HTT: variants seen among roughly 807,000 people sequenced by gnomAD.
The protein encoded by HTT is huntington disease protein.
A neutral mutation model predicts 362.3 loss-of-function variants in HTT; 104 were observed. The observed-to-expected ratio is 0.29, with a 90% CI of 0.24 to 0.34. HTT has a LOEUF of 0.34. HTT is among the 10% of genes least tolerant of loss of function. HTT has a pLI of 1.00. For synonymous variants in HTT, 1,577 were observed against 1,548.7 expected, an observed-to-expected ratio of 1.02 and a Z score of -0.43; for missense variants, 3,301 against 3,928.6, an observed-to-expected ratio of 0.84 and a Z score of 4.27.
chr4:3,191,651 A>T (rs1719020159), intron 40 of HTT, among the ~76,000 whole-genome samples: 2 of 152,220 alleles, frequency 1.3e-5, no homozygotes, highest in South Asian at 4.1e-4. Context: ...GGGAACTAAA[A>T]TCTTCACCTA....
At chr4:3,096,250 A>G (rs778444100) in intron 2 of HTT, among the ~76,000 whole-genome samples, 95 of 152,244 alleles carry the variant, frequency 6.2e-4, no homozygotes, top group Non-Finnish European at 2.5e-4. Context: ...ACAGAACTAC[A>G]AGTAGAAACA....
chr4:3,143,308 G>A (rs1273901301), intron 23 of HTT, among the ~76,000 whole-genome samples: 1 of 151,524 alleles, frequency 6.6e-6, no homozygotes, highest in Non-Finnish European at 1.5e-5. Context: ...GTGGTGGCGG[G>A]CGCCTGTAAT....
Position 3,075,043 on chromosome 4 carries a change from C to G in HTT, c.218C>G (p.Pro73Arg). ...CCGCAGCCGCCCCCGCCGCCGCCCC[C>G]GCCGCCACCCGGCCCGGCTGTGGCT... ...PQPQPPPPPPPPPPGPAVAEE... is the reference protein window; with the variant it reads ...PQPQPPPPPPRPPPGPAVAEE... The change falls in exon 1 of 67, where the codon CCG becomes CGG. Residue 73 changes from proline to arginine, a missense_variant. By Grantham distance (103) the Pro-to-Arg change is moderately radical (BLOSUM62 -2). Transcript: ENST00000355072. The G allele has an allele frequency of 8.0e-7, 1 of 1,249,172 alleles. No individual in the cohort carries two copies. The highest frequency in any genetic ancestry group is 1.0e-6 in the Non-Finnish European group (1 of 1,003,570). The allele number at this position is 1,249,172 out of a possible 1,614,324, so 77.4% of individuals were successfully genotyped here. A position where few individuals can be genotyped will look rare whatever the true frequency, so the allele number is the denominator to read the frequency against.
chr4:3,236,913 T>C (rs941639662), intron 64 of HTT, among the ~76,000 whole-genome samples: 2 of 152,146 alleles, frequency 1.3e-5, no homozygotes, highest in African/African-American at 4.8e-5. Context: ...ATCTGGAGCC[T>C]TGTTGCACTG....
chr4:3,179,604 CGT>C (rs910882012), intron 35 of HTT, among the ~76,000 whole-genome samples: 11 of 143,884 alleles, frequency 7.6e-5, no homozygotes, highest in Admixed American at 6.2e-4. Flanking sequence ...TGTGTGTGTA[CGT>C]GTGTGTGTGT....
intron 26 of HTT, among the ~76,000 whole-genome samples, chr4:3,153,151 CTT>C (rs1194633099): frequency 6.6e-6 from 1 of 152,100 alleles, no homozygotes; most frequent in African/African-American, 2.4e-5. Context: ...AGATCCAGGA[CTT>C]TCGCCTTGCC....
Position 3,174,772 on chromosome 4 carries a change from G to C in HTT, c.4218G>C (p.Thr1406=), listed in dbSNP as rs764420910. 1 of 1,613,970 alleles carries C rather than the reference G, an allele frequency of 6.2e-7. No homozygotes were observed. Among genetic ancestry groups the C allele is most frequent in the East Asian group, 2.2e-5 (1 of 44,896 alleles). The change falls in exon 32 of 67, where the codon ACG becomes ACC. Residue 1406 remains threonine, a synonymous_variant. Coordinates refer to ENST00000355072, the MANE Select transcript of HTT (RefSeq NM_001388492.1). ...CTACCCAGTTGAAGACAAACCTCAC[G>C]AGTGTCACAAAGAACCGTGCAGATA... The part of the protein sequence containing the change: ...KVSTQLKTNL[T]SVTKNRADKN...
intron 33 of HTT, 36 bp from the exon 34 acceptor site, chr4:3,177,296 T>C: frequency 1.4e-6 from 2 of 1,408,768 alleles, no homozygotes; most frequent in Non-Finnish European, 2.0e-6. Context: ...ATTTTAATCC[T>C]ATTATTGATG....
At chr4:3,223,955 G>A (rs1343401756) in intron 55 of HTT, 37 bp from the exon 56 acceptor site, 2 of 1,609,850 alleles carry the variant, frequency 1.2e-6, no homozygotes, top group South Asian at 1.1e-5. Context: ...GATTTTGAAG[G>A]AAACAAAACA....
intron 40 of HTT, among the ~76,000 whole-genome samples, chr4:3,190,737 A>G (rs1718975710): frequency 6.6e-6 from 1 of 152,208 alleles, no homozygotes; most frequent in African/African-American, 2.4e-5. Flanking sequence ...AGAAAGTCAT[A>G]AGATGCCAGC....
At position 3,223,433 on chromosome 4, in the gene HTT, G is replaced by C. The variant is rs371399733; in HGVS notation, c.7498G>C (p.Val2500Leu). 1.9e-6 allele frequency: 3 copies of C among 1,604,498 alleles called. No homozygotes were observed. In the South Asian group the frequency reaches 3.3e-5, roughly 18 times the overall value. ...EEDTERTQIN[V>L]LAVQAITSLV... is the part of the protein sequence containing the mutation. The stretch of plus-strand genomic sequence containing the variant: ...AGACACAGAGAGGACCCAGATCAAC[G>C]TCCTGGCCGTGCAGGCCATCACCTC... The change falls in exon 55 of 67, where the codon GTC becomes CTC. Residue 2500 changes from valine (V) to leucine (L), a missense_variant. By Grantham distance (32) the Val-to-Leu change is conservative (BLOSUM62 1). Around this residue, in one of 4 missense-constraint regions of HTT, gnomAD observed 753 missense variants for 1,021.3 expected, o/e 0.74. Coordinates refer to ENST00000355072, the MANE Select transcript of HTT (RefSeq NM_001388492.1).
chr4:3,121,332 T>C lies in HTT; in HGVS notation c.1173T>C (p.Leu391=). The change falls in exon 9 of 67, where the codon CTT becomes CTC. Residue 391 remains leucine (L), a synonymous_variant. Transcript: ENST00000355072. ...QQLFRTPPPE[L]LQTLTAVGGI... ...TCTTCAGAACGCCTCCACCCGAGCT[T>C]CTGCAAACCCTGACCGCAGTCGGGG... 1 of 1,614,134 alleles carries C rather than the reference T, an allele frequency of 6.2e-7. No homozygotes were observed. The highest frequency in any genetic ancestry group is 2.2e-5 in the East Asian group (1 of 44,878).
In HTT at chr4:3,228,566, G is replaced by A; in HGVS notation, c.7849-49G>A. On this transcript the variant is annotated intron_variant, in intron 57 of 66. Coordinates refer to ENST00000355072, the MANE Select transcript of HTT (RefSeq NM_001388492.1). This position sits in a 1 kb window ranked among gnomAD's most constrained non-coding sequence, Gnocchi z 4.3. Reference sequence around the variant, plus strand: ...CAGTGGCCACACCCACCCACCAGGAGCCTGGCACTGTGGCCGCAGCACTGA... The same window carrying A: ...CAGTGGCCACACCCACCCACCAGGAACCTGGCACTGTGGCCGCAGCACTGA... The A allele has an allele frequency of 1.3e-6, 2 of 1,514,892 alleles. No homozygotes were observed. The highest frequency in any genetic ancestry group is 1.8e-6 in the Non-Finnish European group (2 of 1,131,618). The allele number at this position is 1,514,892 out of a possible 1,614,324, so 93.8% of individuals were successfully genotyped here.
rs750180924 is a variant in HTT at position 3,105,342 on chromosome 4, A to G, written c.529-15A>G. On this transcript the variant is annotated splice_polypyrimidine_tract_variant and intron_variant, in intron 4 of 66. Transcript: ENST00000355072. The stretch of plus-strand genomic sequence containing the variant: ...GTATGTGACTCTTAATGCAACCCTC[A>G]TTGCACCCCCTCAGAATGGTGCCCC... 7 of 1,595,714 alleles carry G rather than the reference A, an allele frequency of 4.4e-6. No homozygotes were observed. The South Asian group carries it at 6.6e-5, about 15-fold the overall frequency.
At chr4:3,198,997 G>A (rs571526317) in intron 40 of HTT, among the ~76,000 whole-genome samples, 61 of 152,366 alleles carry the variant, frequency 4.0e-4, no homozygotes, top group Non-Finnish European at 5.0e-4. Context: ...AAGCCCAGGA[G>A]CTGTTGAGTT....
intron 25 of HTT, 122 bp downstream of exon 25, chr4:3,147,070 C>T (rs1716638438): frequency 1.0e-6 from 1 of 970,808 alleles, no homozygotes; most frequent in Non-Finnish European, 1.6e-6. Context: ...ATGGCTTGTC[C>T]CTTTAGTCAA....
At chr4:3,110,746 C>G (rs1205816125) in intron 6 of HTT, among the ~76,000 whole-genome samples, 2 of 152,098 alleles carry the variant, frequency 1.3e-5, no homozygotes, top group Admixed American at 1.3e-4. Flanking sequence ...ATGTACTTTT[C>G]TTTGGAAGCT....
At chr4:3,156,168 G>A (rs537787348) in intron 27 of HTT, among the ~76,000 whole-genome samples, 2 of 152,216 alleles carry the variant, frequency 1.3e-5, no homozygotes, top group East Asian at 3.9e-4. Context: ...CACCCAGGCT[G>A]GAGTACCATG....
In HTT at chr4:3,130,365, G is replaced by A; in HGVS notation, c.1928G>A (p.Ser643Asn). 6.2e-7 allele frequency: 1 copy of A among 1,610,252 alleles called. No homozygotes were observed. The highest frequency in any genetic ancestry group is 2.2e-5 in the East Asian group (1 of 44,728). Residue 643 changes from serine to asparagine, a missense_variant, in exon 14 of 67, where the codon AGT (serine) becomes AAT (asparagine). Around this residue, in one of 4 missense-constraint regions of HTT, gnomAD observed 2,316 missense variants for 2,658.5 expected, o/e 0.87. Coordinates refer to ENST00000355072, the MANE Select transcript of HTT (RefSeq NM_001388492.1). The part of the protein sequence containing the change: ...MSHCRQPSDS[S>N]VDKFVLRDEA... ...CACTGCAGGCAGCCTTCTGACAGCA[G>A]TGTTGATAAATTTGTGTTGAGAGAT...
Sources: gnomAD v4.1 joint callset for allele counts (sites outside exome capture counted in the v4.1 genomes callset) on GRCh38, gnomAD v4.1.1 for gene constraint, gnomAD v4.1.1 regional missense constraint, Gnocchi (gnomAD v3.1) non-coding constraint, MANE v1.5 for transcripts, NCBI Gene and HGNC (gene_info 2026-07-23, HGNC 2026-07-21) for gene names.